Variants in CCDC63 observed in about 807,000 individuals in gnomAD.
CCDC63 encodes the protein coiled-coil domain containing 63.
Under a neutral mutation model 63.6 loss-of-function variants are expected in CCDC63, and 54 were observed. That is an observed-to-expected ratio of 0.85 (90% CI 0.68 to 1.07). CCDC63 has a LOEUF of 1.07. Among genes scored for constraint, CCDC63 ranks in the 50% least tolerant of loss-of-function variants. The pLI, the probability that CCDC63 is intolerant of heterozygous loss-of-function variation, is 0.00. For synonymous variants in CCDC63, 253 were observed against 266.1 expected, an observed-to-expected ratio of 0.95 and a Z score of 0.48; for missense variants, 637 against 689.6, an observed-to-expected ratio of 0.92 and a Z score of 0.86.
At chr12:110,853,705 G>A (rs2070735782) in intron 3 of CCDC63, 131 bp downstream of exon 3, 5 of 941,026 alleles carry the variant, frequency 5.3e-6, no homozygotes, top group Middle Eastern at 2.2e-4. Flanking sequence ...GAGGATCCAC[G>A]GTCTTTTATC....
intron 6 of CCDC63, 77 bp downstream of exon 6, chr12:110,880,164 C>T (rs531664427): frequency 1.6e-5 from 20 of 1,260,302 alleles, no homozygotes; most frequent in Non-Finnish European, 2.0e-5. Flanking sequence ...CTCTGGGCCA[C>T]CACTGTCCCT....
At chr12:110,852,329 C>T (rs1316733761) in intron 1 of CCDC63, among the ~76,000 whole-genome samples, 2 of 152,072 alleles carry the variant, frequency 1.3e-5, no homozygotes, top group Non-Finnish European at 2.9e-5. Context: ...GATCTCGGCT[C>T]ACTCACTGCA....
chr12:110,890,773 CTTTTTTTTTTTTT>C (rs769120162), intron 8 of CCDC63, among the ~76,000 whole-genome samples: 1 of 98,400 alleles, frequency 1.0e-5, no homozygotes, highest in African/African-American at 4.1e-5. Flanking sequence ...TCCTCCTTTT[CTTTTTTTTTTTTT>C]TTTTTTTTTG....
intron 3 of CCDC63, among the ~76,000 whole-genome samples, chr12:110,856,087 C>CTTT (rs540538418): frequency 3.8e-5 from 5 of 130,366 alleles, no homozygotes; most frequent in African/African-American, 5.7e-5. Flanking sequence ...TTTTTTTTTT[C>CTTT]TTTTTTTTTT....
Position 110,879,968 on chromosome 12 carries a change from C to G in CCDC63, c.552C>G (p.Asp184Glu), listed in dbSNP as rs1387307862. The change falls in exon 6 of 12, where the codon GAC becomes GAG. Residue 184 changes from aspartate (D) to glutamate (E), a missense_variant. Asp to Glu is a conservative substitution (Grantham distance 45, BLOSUM62 2). Coordinates refer to ENST00000308208, the MANE Select transcript of CCDC63 (RefSeq NM_152591.3). ...CCAAGCTCCGGAAGGAGATTGAAGACCTACGATTTGAGAAGGCTGCTTATG... is the reference window on the plus strand; with the variant it reads ...CCAAGCTCCGGAAGGAGATTGAAGAGCTACGATTTGAGAAGGCTGCTTATG... ...TNAKLRKEIE[D>E]LRFEKAAYDN... The G allele has an allele frequency of 6.2e-7, 1 of 1,614,056 alleles. No individual in the cohort carries two copies. Among genetic ancestry groups the G allele is most frequent in the African/African-American group, 1.3e-5 (1 of 74,930 alleles).
intron 1 of CCDC63, among the ~76,000 whole-genome samples, chr12:110,848,415 G>T (rs1214199846): frequency 6.6e-6 from 1 of 152,154 alleles, no homozygotes; most frequent in East Asian, 1.9e-4. Flanking sequence ...GAATGTAGGA[G>T]CCCATCCCAG....
At chr12:110,849,598 G>A (rs1335477258) in intron 1 of CCDC63, among the ~76,000 whole-genome samples, 1 of 148,726 alleles carries the variant, frequency 6.7e-6, no homozygotes, top group South Asian at 2.1e-4. Context: ...TCCCAGGCTC[G>A]AGTGATTCTC....
At chr12:110,867,749 G>A (rs1195596331) in intron 4 of CCDC63, among the ~76,000 whole-genome samples, 1 of 135,640 alleles carries the variant, frequency 7.4e-6, no homozygotes, top group African/African-American at 2.9e-5. Context: ...GCCAGGCGGG[G>A]GGCTGACCCC....
At chr12:110,870,152 G>A (rs1001674296) in intron 4 of CCDC63, among the ~76,000 whole-genome samples, 9 of 152,032 alleles carry the variant, frequency 5.9e-5, no homozygotes, top group African/African-American at 1.9e-4. Context: ...GCATGATCTC[G>A]GCTCACTGCA....
intron 4 of CCDC63, among the ~76,000 whole-genome samples, chr12:110,861,287 T>G (rs187915791): frequency 7.9e-5 from 12 of 152,200 alleles, no homozygotes; most frequent in Non-Finnish European, 1.3e-4. Flanking sequence ...TGGAAATCTC[T>G]TCACATCTTT....
chr12:110,895,765 T>A (rs922534096), intron 9 of CCDC63, among the ~76,000 whole-genome samples: 1 of 152,234 alleles, frequency 6.6e-6, no homozygotes, highest in African/African-American at 2.4e-5. Flanking sequence ...TTTGGCACAC[T>A]GTAATGCAGA....
At chr12:110,861,350 A>G (rs1028388286) in intron 4 of CCDC63, among the ~76,000 whole-genome samples, 2 of 152,096 alleles carry the variant, frequency 1.3e-5, no homozygotes, top group Admixed American at 6.6e-5. Context: ...ATAAAGGCCC[A>G]ACTCCCCAGT....
chr12:110,856,929 A>G (rs2070779601), intron 3 of CCDC63, among the ~76,000 whole-genome samples: 1 of 148,230 alleles, frequency 6.7e-6, no homozygotes, highest in African/African-American at 2.5e-5. Context: ...GCTCACTGCA[A>G]CCTCTGCCAC....
intron 11 of CCDC63, among the ~76,000 whole-genome samples, chr12:110,905,510 T>C (rs2071548911): frequency 6.6e-6 from 1 of 151,992 alleles, no homozygotes; most frequent in South Asian, 2.1e-4. Flanking sequence ...GGGTGGAAGA[T>C]GAAAGGTGGA....
rs117545604 is a variant in CCDC63 at position 110,858,497 on chromosome 12, C to T, written c.180-89C>T. On this transcript the variant is annotated intron_variant, in intron 3 of 11. Transcript: ENST00000308208. ...GCTCAGGTGGGAAATTCCTCTCTCCCGGTCTCCTTGCAGGGCTGATGTGCC... is the reference window on the plus strand; with the variant it reads ...GCTCAGGTGGGAAATTCCTCTCTCCTGGTCTCCTTGCAGGGCTGATGTGCC... The T allele has an allele frequency of 1.4e-3, 1,688 of 1,186,632 alleles. 26 individuals are homozygous for T. The East Asian group carries it at 0.036, about 26-fold the overall frequency. The allele number at this position is 1,186,632 out of a possible 1,614,324, so 73.5% of individuals were successfully genotyped here.
At position 110,881,307 on chromosome 12, in the gene CCDC63, C is replaced by T; in HGVS notation, c.853+11C>T. ...CCAAAAGGGAGGAAGGTACACCCTC[C>T]AGGAGCAAGCTTGTGCTCTCTCACT... On this transcript the variant is annotated intron_variant, in intron 7 of 11. Transcript: ENST00000308208. The T allele has an allele frequency of 6.2e-7, 1 of 1,610,586 alleles. No individual in the cohort carries two copies. The highest frequency in any genetic ancestry group is 1.3e-5 in the African/African-American group (1 of 74,924).
chr12:110,880,736 G>A, intron 6 of CCDC63, among the ~76,000 whole-genome samples: 1 of 276 alleles, frequency 3.6e-3, no homozygotes, highest in Non-Finnish European at 8.1e-3. Flanking sequence ...ATAGTGATGG[G>A]GTGGTGATGG....
At chr12:110,901,697 C>T (rs1006827864) in intron 10 of CCDC63, among the ~76,000 whole-genome samples, 4 of 152,132 alleles carry the variant, frequency 2.6e-5, no homozygotes, top group Non-Finnish European at 5.9e-5. Context: ...CTTTCTGTGC[C>T]TGGCTTATTT....
intron 7 of CCDC63, among the ~76,000 whole-genome samples, chr12:110,883,325 T>C (rs556786434): frequency 1.3e-5 from 2 of 152,126 alleles, no homozygotes; most frequent in East Asian, 1.9e-4. Context: ...CGGGAGCCAC[T>C]GCACCCGGCC....
Sources: gnomAD v4.1 joint callset for allele counts (sites outside exome capture counted in the v4.1 genomes callset) on GRCh38, gnomAD v4.1.1 for gene constraint, MANE v1.5 for transcripts, NCBI Gene and HGNC (gene_info 2026-07-23, HGNC 2026-07-21) for gene names.